MYPN: variants seen among roughly 807,000 people sequenced by gnomAD.
MYPN encodes sarcomeric protein myopalladin, 145 kDa (MYOP).
In MYPN, 63 loss-of-function variants were observed where a neutral mutation model predicts 129.4. The ratio of observed to expected loss-of-function variants is 0.49; its 90% CI spans 0.40 to 0.60. MYPN has a LOEUF of 0.60. Ranked by LOEUF, MYPN falls within the 20% of genes least tolerant of loss-of-function variation. The pLI, the probability that MYPN is intolerant of heterozygous loss-of-function variation, is 0.00. For missense variants in MYPN, 1,596 were observed against 1,635.4 expected (o/e 0.98, Z 0.42); for synonymous variants, 629 against 600.9 (o/e 1.05, Z -0.68).
At chr10:68,150,366 A>G (rs535602893) in intron 6 of MYPN, among the ~76,000 whole-genome samples, 2 of 152,316 alleles carry the variant, frequency 1.3e-5, no homozygotes, top group Admixed American at 1.3e-4. Flanking sequence ...TGTTCAACAT[A>G]GGAGCCACCC....
In MYPN at chr10:68,089,438, T is replaced by G. The variant is rs528577760; in HGVS notation, c.-2+1446T>G. On this transcript the variant is annotated intron_variant, in intron 1 of 6. Transcript: ENST00000685154. ...CTCACTGCAAGCTCCGTTTCCCGGGTTCATGCCATTCTCCTGCCTCAGCCT... is the reference window on the plus strand; with the variant it reads ...CTCACTGCAAGCTCCGTTTCCCGGGGTCATGCCATTCTCCTGCCTCAGCCT... Among the ~76,000 whole-genome samples the G allele has an allele frequency of 2.6e-3, 399 of 152,032 alleles. 3 individuals carry two copies. Among genetic ancestry groups the G allele is most frequent in the African/African-American group, 9.3e-3 (386 of 41,468 alleles).
At chr10:68,126,163 T>G (rs1411945368) in intron 2 of MYPN, among the ~76,000 whole-genome samples, 1 of 151,868 alleles carries the variant, frequency 6.6e-6, no homozygotes, top group Non-Finnish European at 1.5e-5. Context: ...GAACATAGGG[T>G]AAAGGTAAGA....
intron 1 of MYPN, among the ~76,000 whole-genome samples, chr10:68,113,513 T>C (rs950694716): frequency 6.6e-6 from 1 of 152,102 alleles, no homozygotes; most frequent in East Asian, 1.9e-4. Flanking sequence ...CTGAGCAACA[T>C]AGGAAGACTC....
intron 1 of MYPN, among the ~76,000 whole-genome samples, chr10:68,093,246 GC>G (rs1388876692): frequency 6.6e-6 from 1 of 151,962 alleles, no homozygotes; most frequent in Non-Finnish European, 1.5e-5. Context: ...AGAAACCAGT[GC>G]TTTTGACCTT....
upstream of MYPN, among the ~76,000 whole-genome samples, chr10:68,102,545 G>T (rs940506914): frequency 1.3e-5 from 2 of 152,058 alleles, no homozygotes; most frequent in African/African-American, 4.8e-5. Context: ...CTTCAAATTT[G>T]AATGACAGTT....
rs2043910280 is a variant in MYPN at position 68,211,266 on chromosome 10, A to T, written c.*811A>T. 2.2e-6 allele frequency: 1 copy of T among 453,928 alleles called. No homozygotes were observed. The highest frequency in any genetic ancestry group is 2.0e-5 in the African/African-American group (1 of 49,992). 28.1% of individuals were successfully genotyped at this position (453,928 alleles called of 1,614,324 possible). On this transcript the variant is annotated 3_prime_UTR_variant, in exon 20 of 20. Transcript: ENST00000358913. ...AATCCTCTGTGGGGTCACTTTAAAA[A>T]CTACTAGCTTCAACTACCACTTACA...
chr10:68,204,476 C>T (rs571607007), intron 18 of MYPN, among the ~76,000 whole-genome samples: 3 of 152,114 alleles, frequency 2.0e-5, no homozygotes, highest in Non-Finnish European at 4.4e-5. Flanking sequence ...AATCCCAGCA[C>T]TTTGGGAGGC....
At chr10:68,174,021 A>G (rs2043184803) in intron 10 of MYPN, 45 bp from the exon 11 acceptor site, 1 of 1,439,700 alleles carries the variant, frequency 6.9e-7, no homozygotes, top group Admixed American at 1.7e-5. Context: ...TGAGGCCAAT[A>G]ATAACACATT....
chr10:68,182,151 A>G (rs1417838722), intron 12 of MYPN, among the ~76,000 whole-genome samples: 1 of 150,830 alleles, frequency 6.6e-6, no homozygotes, highest in Non-Finnish European at 1.5e-5. Context: ...GTGCCTCAGT[A>G]GAAACTTCTG....
chr10:68,133,802 T>A (rs1434556110), intron 2 of MYPN, among the ~76,000 whole-genome samples: 1 of 150,806 alleles, frequency 6.6e-6, no homozygotes, highest in Non-Finnish European at 1.5e-5. Context: ...GAGCAGCCAA[T>A]GTGTGCTGGA....
chr10:68,154,177 C>T (rs574633884), intron 6 of MYPN, among the ~76,000 whole-genome samples: 37 of 152,238 alleles, frequency 2.4e-4, no homozygotes, highest in Non-Finnish European at 1.3e-4. Context: ...CCATCCTCTA[C>T]GCAGTATCAA....
At chr10:68,182,467 T>TATATATAACATATATATATAAC (rs2043349955) in intron 12 of MYPN, among the ~76,000 whole-genome samples, 1 of 112,744 alleles carries the variant, frequency 8.9e-6, no homozygotes. Flanking sequence ...ATATATAACA[T>TATATATAACATATATATATAAC]ATATACACAC....
intron 10 of MYPN, among the ~76,000 whole-genome samples, chr10:68,167,626 T>A (rs1435355317): frequency 6.6e-6 from 1 of 152,184 alleles, no homozygotes; most frequent in South Asian, 2.1e-4. Context: ...AATATCAACA[T>A]CAAAATCTAC....
Position 68,199,584 on chromosome 10 carries a change from T to G in MYPN, c.3493+9T>G. ...GGAGCTCTCTGTAGTAGGTAAGGTT[T>G]GCTGCTGGGACCCCTAAACACAACT... is the stretch of plus-strand genomic sequence containing the variant. On this transcript the variant is annotated intron_variant, in intron 17 of 19. Transcript: ENST00000358913. 1 of 1,582,670 alleles carries G rather than the reference T, an allele frequency of 6.3e-7. No individual in the cohort carries two copies. Among genetic ancestry groups the G allele is most frequent in the Non-Finnish European group, 8.6e-7 (1 of 1,162,284 alleles).
In MYPN at chr10:68,174,332, T is replaced by G. The variant is rs758580382; in HGVS notation, c.2240T>G (p.Leu747Trp). The change falls in exon 11 of 20, where the codon TTG becomes TGG. Residue 747 changes from leucine to tryptophan, a missense_variant. Coordinates refer to ENST00000358913, the MANE Select transcript of MYPN (RefSeq NM_032578.4). ...CCTTCCAGCTCTCCGGTGTTCACTT[T>G]GAGCAGCACTCCTCAAACTATTCAG... is the stretch of plus-strand genomic sequence containing the variant. Reference protein sequence around the residue: ...VAPSSSPVFTLSSTPQTIQRT... With the variant: ...VAPSSSPVFTWSSTPQTIQRT... The G allele has an allele frequency of 6.2e-7, 1 of 1,614,146 alleles. No individual in the cohort carries two copies. The highest frequency in any genetic ancestry group is 8.5e-7 in the Non-Finnish European group (1 of 1,180,012).
chr10:68,168,484 A>G (rs2043088257), intron 10 of MYPN, among the ~76,000 whole-genome samples: 1 of 152,206 alleles, frequency 6.6e-6, no homozygotes, highest in East Asian at 1.9e-4. Context: ...CGGCCCAGGG[A>G]AATACAGTCT....
intron 17 of MYPN, among the ~76,000 whole-genome samples, chr10:68,201,238 C>T (rs2043704541): frequency 6.6e-6 from 1 of 152,162 alleles, no homozygotes; most frequent in African/African-American, 2.4e-5. Context: ...GCATCCCATG[C>T]GAACGACCCA....
intron 6 of MYPN, among the ~76,000 whole-genome samples, chr10:68,152,647 T>C (rs1018567773): frequency 2.0e-5 from 3 of 152,198 alleles, no homozygotes; most frequent in Non-Finnish European, 2.9e-5. Context: ...TGCTTGTTTG[T>C]TTTTTGAGAT....
At chr10:68,122,433 ATTATATACTC>A in intron 2 of MYPN, 93 bp downstream of exon 2, 2 of 1,324,070 alleles carry the variant, frequency 1.5e-6, no homozygotes, top group African/African-American at 2.9e-5. Context: ...GGTTTACAAA[ATTATATACTC>A]CCTTTGAGAA....
Sources: gnomAD v4.1 joint callset for allele counts (sites outside exome capture counted in the v4.1 genomes callset) on GRCh38, gnomAD v4.1.1 for gene constraint, MANE v1.5 for transcripts, NCBI Gene and HGNC (gene_info 2026-07-23, HGNC 2026-07-21) for gene names.